RAB3GAP1: variants seen among roughly 807,000 people sequenced by gnomAD.
The protein encoded by RAB3GAP1 is RAB3 GTPase activating protein catalytic subunit 1.
A neutral mutation model predicts 130.7 loss-of-function variants in RAB3GAP1; 86 were observed. The observed-to-expected ratio is 0.66, with a 90% CI of 0.55 to 0.79. The LOEUF is 0.79. RAB3GAP1 is among the 30% of genes least tolerant of loss of function. RAB3GAP1 has a pLI of 0.00. For missense variants in RAB3GAP1, 1,029 were observed against 1,169.4 expected (o/e 0.88, Z 1.75); for synonymous variants, 367 against 401.7 (o/e 0.91, Z 1.03).
At chr2:135,052,618 C>A in intron 2 of RAB3GAP1, 133 bp downstream of exon 2, 1 of 1,045,774 alleles carries the variant, frequency 9.6e-7, no homozygotes. Context: ...CGGGTCTCCT[C>A]CCCCAGTCTT....
At chr2:135,167,795 C>A in intron 23 of RAB3GAP1, 1 of 1,198,076 alleles carries the variant, frequency 8.3e-7, no homozygotes, top group Non-Finnish European at 1.2e-6. Flanking sequence ...CACTAACCAC[C>A]TCTCTCACAG....
At chr2:135,087,007 T>C (rs990883307) in intron 3 of RAB3GAP1, among the ~76,000 whole-genome samples, 2 of 152,174 alleles carry the variant, frequency 1.3e-5, no homozygotes, top group Non-Finnish European at 2.9e-5. Flanking sequence ...GCACAAATTT[T>C]ATTTAGATGA....
chr2:135,117,552 T>G (rs868854878), intron 7 of RAB3GAP1, among the ~76,000 whole-genome samples: 112 of 93,322 alleles, frequency 1.2e-3, no homozygotes, highest in South Asian at 2.0e-3. Context: ...TGCTTCTTCT[T>G]CTTCTGCTTC....
rs533242348 is a variant in RAB3GAP1 at position 135,078,906 on chromosome 2, C to T, written c.151-12092C>T. On this transcript the variant is annotated intron_variant, in intron 3 of 23. Transcript: ENST00000264158. ...TTTTTGAGACGGAGTCTCGCTCTGT[C>T]GCCCAGGCTGGAGTGCAGTGGCACG... Among the ~76,000 whole-genome samples, 485 of 152,116 alleles carry T rather than the reference C, an allele frequency of 3.2e-3. 2 individuals are homozygous for T. The highest frequency in any genetic ancestry group is 0.01 in the African/African-American group (428 of 41,472).
chr2:135,095,695 G>T (rs556344520), intron 5 of RAB3GAP1, among the ~76,000 whole-genome samples: 1 of 152,226 alleles, frequency 6.6e-6, no homozygotes, highest in South Asian at 2.1e-4. Flanking sequence ...AAAATTTCAG[G>T]CAAAAACAAC....
intron 3 of RAB3GAP1, among the ~76,000 whole-genome samples, chr2:135,075,910 CTTT>C (rs996535280): frequency 3.2e-5 from 4 of 126,722 alleles, no homozygotes; most frequent in Non-Finnish European, 3.4e-5. Flanking sequence ...TAACAGATTT[CTTT>C]TTTTTTTTTT....
At chr2:135,094,996 G>C (rs1456573432) in intron 5 of RAB3GAP1, among the ~76,000 whole-genome samples, 1 of 152,104 alleles carries the variant, frequency 6.6e-6, no homozygotes, top group Non-Finnish European at 1.5e-5. Flanking sequence ...GAATAATGCT[G>C]TAGTAAACAT....
intron 3 of RAB3GAP1, among the ~76,000 whole-genome samples, chr2:135,080,049 G>A (rs949540188): frequency 1.3e-5 from 2 of 150,848 alleles, no homozygotes; most frequent in Admixed American, 1.3e-4. Flanking sequence ...CCCGGAAGGC[G>A]GAGCTTGCAG....
At chr2:135,131,049 G>A (rs1481427842) in intron 13 of RAB3GAP1, among the ~76,000 whole-genome samples, 2 of 152,134 alleles carry the variant, frequency 1.3e-5, no homozygotes, top group Admixed American at 6.5e-5. Context: ...TAGAAGCAGA[G>A]GAATAGCAGA....
intron 5 of RAB3GAP1, among the ~76,000 whole-genome samples, chr2:135,097,528 C>T (rs926454009): frequency 6.6e-6 from 1 of 152,068 alleles, no homozygotes; most frequent in Non-Finnish European, 1.5e-5. Flanking sequence ...ACCACACTCT[C>T]GACATCCTTA....
intron 15 of RAB3GAP1, among the ~76,000 whole-genome samples, chr2:135,134,965 GT>G (rs1691639503): frequency 6.6e-6 from 1 of 152,148 alleles, no homozygotes. Flanking sequence ...CCTGGAGTGG[GT>G]TCAGGGGCTT....
At chr2:135,164,130 C>T (rs944023410) in intron 22 of RAB3GAP1, among the ~76,000 whole-genome samples, 1 of 152,100 alleles carries the variant, frequency 6.6e-6, no homozygotes, top group African/African-American at 2.4e-5. Context: ...TTTACAATTG[C>T]GACTTTGCCC....
rs76702100 is a variant in RAB3GAP1, at chr2:135,080,425, A to G, written c.151-10573A>G. Among the ~76,000 whole-genome samples the G allele has an allele frequency of 1.5e-4, 23 of 152,346 alleles. No individual in the cohort carries two copies. In the East Asian group the frequency reaches 4.4e-3, roughly 29 times the overall value. ...ACAGAGGAGAAGGTCAGATCAGGAA[A>G]TAAAACACACAGGCTTAAAATGAAG... On this transcript the variant is annotated intron_variant, in intron 3 of 23. Coordinates refer to ENST00000264158, the MANE Select transcript of RAB3GAP1 (RefSeq NM_012233.3).
chr2:135,130,386 C>T (rs1339797018), intron 12 of RAB3GAP1, among the ~76,000 whole-genome samples, 166 bp from the exon 13 acceptor site: 2 of 152,192 alleles, frequency 1.3e-5, no homozygotes, highest in East Asian at 3.8e-4. Flanking sequence ...GTCACTCATG[C>T]TTGCACATAA....
At chr2:135,097,568 T>C (rs1267527754) in intron 5 of RAB3GAP1, among the ~76,000 whole-genome samples, 2 of 152,230 alleles carry the variant, frequency 1.3e-5, no homozygotes, top group East Asian at 3.9e-4. Flanking sequence ...TCTTTCTTGG[T>C]CACTATAGTT....
chr2:135,153,978 G>T lies in RAB3GAP1; in HGVS notation c.2289+102G>T, dbSNP rs1011122831. On this transcript the variant is annotated intron_variant, in intron 19 of 23. Transcript: ENST00000264158. Reference sequence around the variant, plus strand: ...TGAGAGTTTTGGACACACTTGAGGTGCAAAGCATTGAAATTCAATGAGCGT... The same window carrying T: ...TGAGAGTTTTGGACACACTTGAGGTTCAAAGCATTGAAATTCAATGAGCGT... The T allele has an allele frequency of 2.0e-5, 22 of 1,083,198 alleles. No individual in the cohort carries two copies. In the African/African-American group the frequency reaches 3.2e-4, roughly 16 times the overall value. 67.1% of individuals were successfully genotyped at this position (1,083,198 alleles called of 1,614,324 possible).
At chr2:135,062,451 T>C (rs947162349) in intron 3 of RAB3GAP1, among the ~76,000 whole-genome samples, 140 of 152,384 alleles carry the variant, frequency 9.2e-4, no homozygotes, top group African/African-American at 3.2e-3. Context: ...TGAATGGATT[T>C]TTAGTAAATC....
chr2:135,153,626 T>C, intron 18 of RAB3GAP1, 23 bp from the exon 19 acceptor site: 1 of 1,607,232 alleles, frequency 6.2e-7, no homozygotes. Context: ...TTGATTCTGC[T>C]GAATTTTTTT....
At chr2:135,145,416 ACACAC>A (rs1691967245) in intron 17 of RAB3GAP1, among the ~76,000 whole-genome samples, 1 of 151,676 alleles carries the variant, frequency 6.6e-6, no homozygotes, top group African/African-American at 2.4e-5. Context: ...ACACACACAC[ACACAC>A]ACTTCTTAAC....
Sources: allele counts gnomAD v4.1 joint callset (sites outside exome capture counted in the v4.1 genomes callset), GRCh38; gene constraint gnomAD v4.1.1; transcripts MANE v1.5; gene names NCBI Gene and HGNC (gene_info 2026-07-23, HGNC 2026-07-21).